MPDZ: variants seen among roughly 807,000 people sequenced by gnomAD.
MPDZ encodes the protein multiple PDZ domain protein.
Under a neutral mutation model 239.1 loss-of-function variants are expected in MPDZ, and 234 were observed. That is an observed-to-expected ratio of 0.98 (90% CI 0.88 to 1.09). MPDZ has a LOEUF of 1.09. Ranked by LOEUF, MPDZ falls within the 50% of genes least tolerant of loss-of-function variation. MPDZ has a pLI of 0.00. For synonymous variants in MPDZ, 1,048 were observed against 881.3 expected (o/e 1.19, Z -3.35); for missense variants, 3,175 against 2,510.0 (o/e 1.26, Z -5.66).
chr9:13,164,108 T>C (rs1046068572), intron 22 of MPDZ, among the ~76,000 whole-genome samples: 1 of 152,190 alleles, frequency 6.6e-6, no homozygotes, highest in Non-Finnish European at 1.5e-5. Context: ...TCAGCTCTCC[T>C]GGTCATACTG....
At chr9:13,126,913 A>G (rs1206553432) in intron 32 of MPDZ, 141 bp from the exon 33 acceptor site, 19 of 654,656 alleles carry the variant, frequency 2.9e-5, no homozygotes, top group Non-Finnish European at 4.3e-5. Context: ...CTAAGATCTT[A>G]GAAATCTTGT....
At chr9:13,228,446 G>C (rs942814983) in intron 3 of MPDZ, among the ~76,000 whole-genome samples, 3 of 152,064 alleles carry the variant, frequency 2.0e-5, no homozygotes, top group Non-Finnish European at 2.9e-5. Flanking sequence ...GATGCAGTCA[G>C]AACCAGTATT....
chr9:13,278,424 C>A (rs945828744), intron 1 of MPDZ, among the ~76,000 whole-genome samples: 3 of 152,172 alleles, frequency 2.0e-5, no homozygotes, highest in African/African-American at 7.2e-5. Context: ...CCCGCCGGCG[C>A]CTGGCCACTT....
intron 22 of MPDZ, among the ~76,000 whole-genome samples, chr9:13,164,344 T>C (rs970942439): frequency 2.6e-5 from 4 of 152,140 alleles, no homozygotes; most frequent in Non-Finnish European, 5.9e-5. Flanking sequence ...GCCCTTCAAA[T>C]AATACATTAT....
intron 18 of MPDZ, among the ~76,000 whole-genome samples, chr9:13,185,269 G>A (rs1315888862): frequency 6.6e-6 from 1 of 151,926 alleles, no homozygotes; most frequent in Admixed American, 6.6e-5. Context: ...TCAAGAGCTT[G>A]CAATTTAAAA....
chr9:13,223,298 A>G (rs1959365948), intron 5 of MPDZ, among the ~76,000 whole-genome samples: 1 of 151,874 alleles, frequency 6.6e-6, no homozygotes, highest in African/African-American at 2.4e-5. Context: ...CTAATCAAAA[A>G]GAGCCCATTT....
rs1310924647 is a variant in MPDZ at position 13,205,002 on chromosome 9, T to C, written c.1546+34A>G. 8 of 1,286,340 alleles carry C rather than the reference T, an allele frequency of 6.2e-6. No individual in the cohort carries two copies. The African/African-American group carries it at 1.2e-4, about 20-fold the overall frequency. 79.7% of individuals were successfully genotyped at this position (1,286,340 alleles called of 1,614,324 possible). On this transcript the variant is annotated intron_variant, in intron 12 of 46. Coordinates refer to ENST00000319217, the MANE Select transcript of MPDZ (RefSeq NM_001378778.1). ...AATCATTTCTAAAAAAGAAAAATAA[T>C]GAAGTACACAATAAGCTGGCGCTAG...
At chr9:13,225,781 A>C (rs1960386968) in intron 3 of MPDZ, among the ~76,000 whole-genome samples, 1 of 152,024 alleles carries the variant, frequency 6.6e-6, no homozygotes, top group Admixed American at 6.6e-5. Flanking sequence ...ACAAGGATGA[A>C]ATCACCTAAT....
At chr9:13,222,560 C>G (rs1258774490) in intron 5 of MPDZ, 114 bp from the exon 6 acceptor site, 1 of 831,444 alleles carries the variant, frequency 1.2e-6, no homozygotes, top group Non-Finnish European at 1.9e-6. Context: ...TTCCCACACT[C>G]TAAGCTTTTT....
chr9:13,161,655 C>T (rs1950507754), intron 23 of MPDZ, among the ~76,000 whole-genome samples: 1 of 152,028 alleles, frequency 6.6e-6, no homozygotes, highest in East Asian at 1.9e-4. Flanking sequence ...CACATGCTTA[C>T]AAGAAATTTG....
chr9:13,210,760 G>C (rs1378027375), intron 10 of MPDZ, among the ~76,000 whole-genome samples: 1 of 152,062 alleles, frequency 6.6e-6, no homozygotes, highest in African/African-American at 2.4e-5. Context: ...TGAGAAATCA[G>C]GGGCCAGTGG....
intron 13 of MPDZ, among the ~76,000 whole-genome samples, chr9:13,194,802 G>C (rs1396672997): frequency 6.6e-6 from 1 of 151,972 alleles, no homozygotes; most frequent in East Asian, 1.9e-4. Context: ...ACCACCCGAA[G>C]GACTGCAGTC....
chr9:13,144,293 T>TA (rs1035833433), intron 26 of MPDZ, among the ~76,000 whole-genome samples: 1 of 152,038 alleles, frequency 6.6e-6, no homozygotes, highest in Non-Finnish European at 1.5e-5. Flanking sequence ...AGTCCTGCCT[T>TA]AGAGTGTTTC....
intron 22 of MPDZ, chr9:13,165,544 C>T: frequency 1.1e-6 from 1 of 906,898 alleles, no homozygotes; most frequent in Non-Finnish European, 1.6e-6. Context: ...CCCCTTTCCA[C>T]CTCCCTCCCA....
chr9:13,180,014 T>C (rs1352150639), intron 19 of MPDZ, among the ~76,000 whole-genome samples: 1 of 152,112 alleles, frequency 6.6e-6, no homozygotes, highest in Non-Finnish European at 1.5e-5. Flanking sequence ...CTTTATTGTT[T>C]TGACACTGAT....
At chr9:13,117,298 G>A (rs1943609985) in intron 39 of MPDZ, among the ~76,000 whole-genome samples, 1 of 152,018 alleles carries the variant, frequency 6.6e-6, no homozygotes, top group South Asian at 2.1e-4. Flanking sequence ...TTGGGAGGCC[G>A]AGATGGGTGG....
At position 13,121,904 on chromosome 9, in the gene MPDZ, G is replaced by C; in HGVS notation, c.5066C>G (p.Thr1689Arg). ...CAGGACATTGATTGCTTCATCATGT[G>C]TGGCCTTTCTCAAGTCAATTCCATT... is the stretch of plus-strand genomic sequence containing the variant. ...EVNGIDLRKA[T>R]HDEAINVLRQ... The change falls in exon 38 of 47, where the codon ACA becomes AGA. Residue 1689 changes from threonine (T) to arginine (R), a missense_variant. Coordinates refer to ENST00000319217, the MANE Select transcript of MPDZ (RefSeq NM_001378778.1). The C allele has an allele frequency of 6.2e-7, 1 of 1,613,666 alleles. No homozygotes were observed. The highest frequency in any genetic ancestry group is 1.6e-4 in the Middle Eastern group (1 of 6,062).
At chr9:13,159,718 A>G (rs1950239314) in intron 23 of MPDZ, among the ~76,000 whole-genome samples, 1 of 152,102 alleles carries the variant, frequency 6.6e-6, no homozygotes. Flanking sequence ...CTTCCTTTTT[A>G]GGTACAAGAA....
rs1563989220 is a variant in MPDZ, at chr9:13,188,801, C to A, written c.2347G>T (p.Val783Phe). The change falls in exon 17 of 47, where the codon GTT becomes TTT. Residue 783 changes from valine (V) to phenylalanine (F), a missense_variant. Coordinates refer to ENST00000319217, the MANE Select transcript of MPDZ (RefSeq NM_001378778.1). Reference sequence around the variant, plus strand: ...ATTCTTACGGGTAAAGGCTTAGCAACTCCTATTCTCACAGTCCCTGACGGT... The same window carrying A: ...ATTCTTACGGGTAAAGGCTTAGCAAATCCTATTCTCACAGTCCCTGACGGT... ...GAPSGTVRIGVAKPLPLSPEE... is the reference protein window; with the variant it reads ...GAPSGTVRIGFAKPLPLSPEE... 2 of 1,613,222 alleles carry A rather than the reference C, an allele frequency of 1.2e-6. No homozygotes were observed. Among genetic ancestry groups the A allele is most frequent in the Non-Finnish European group, 1.7e-6 (2 of 1,179,364 alleles).
Sources: gnomAD v4.1 joint callset for allele counts (sites outside exome capture counted in the v4.1 genomes callset) on GRCh38, gnomAD v4.1.1 for gene constraint, MANE v1.5 for transcripts, NCBI Gene and HGNC (gene_info 2026-07-23, HGNC 2026-07-21) for gene names.